Variants in INPP4A observed in about 807,000 individuals in gnomAD.
INPP4A encodes the protein inositol polyphosphate-4-phosphatase type I A.
Under a neutral mutation model 119.8 loss-of-function variants are expected in INPP4A, and 33 were observed. That is an observed-to-expected ratio of 0.28 (90% confidence interval 0.21 to 0.37). The LOEUF is 0.37. Ranked by LOEUF, INPP4A falls within the 10% of genes least tolerant of loss-of-function variation. INPP4A has a pLI of 1.00. For synonymous variants in INPP4A, 496 were observed against 500.7 expected (o/e 0.99, Z 0.12); for missense variants, 956 against 1,289.9 (o/e 0.74, Z 3.97).
rs147848848 is a variant in INPP4A, at chr2:98,499,072, A to G, written c.-165-19892A>G. 8.5e-5 allele frequency among the ~76,000 whole-genome samples: 13 copies of G among 152,370 alleles called. No homozygotes were observed. The East Asian group carries it at 2.5e-3, about 29-fold the overall frequency. ...TTCTGCCCCACTGAGGAACTAGGAA[A>G]GCAGTCCCACTCAAAATTATAAAAG... is the stretch of plus-strand genomic sequence containing the variant. On this transcript the variant is annotated intron_variant, in intron 1 of 24. Coordinates refer to ENST00000409851, the MANE Select transcript of INPP4A (RefSeq NM_001134225.2).
At position 98,537,940 on chromosome 2, in the gene INPP4A, C is replaced by G; in HGVS notation, c.545C>G (p.Pro182Arg). 6.2e-7 allele frequency: 1 copy of G among 1,612,664 alleles called. No homozygotes were observed. Among genetic ancestry groups the G allele is most frequent in the South Asian group, 1.1e-5 (1 of 90,600 alleles). Residue 182 changes from proline (P) to arginine (R), a missense_variant, in exon 8 of 25, where the codon CCT becomes CGT. Physicochemically the swap from Pro to Arg is moderately radical, Grantham distance 103. This residue lies in a region of INPP4A where 652 missense variants were observed against 797.9 expected (regional missense o/e 0.82). Coordinates refer to ENST00000409851, the MANE Select transcript of INPP4A (RefSeq NM_001134225.2). ...GAGGAGAAGTCAGACCAACGGCCCC[C>G]TGTGACCCGGTCTGTGGACACTGTC... ...QMEEKSDQRP[P>R]VTRSVDTVNG...
At chr2:98,524,270 C>A (rs1687786459) in intron 4 of INPP4A, among the ~76,000 whole-genome samples, 1 of 152,072 alleles carries the variant, frequency 6.6e-6, no homozygotes, top group Admixed American at 6.6e-5. Context: ...AGTGTTTATT[C>A]AGCTGGGATT....
chr2:98,569,014 C>T lies in INPP4A; in HGVS notation c.2518+346C>T, dbSNP rs905961603. 2.9e-5 allele frequency: 6 copies of T among 206,934 alleles called. No homozygotes were observed. The highest frequency in any genetic ancestry group is 4.6e-5 in the African/African-American group (2 of 43,456). The allele number at this position is 206,934 out of a possible 1,614,324, so 12.8% of individuals were successfully genotyped here. On this transcript the variant is annotated intron_variant, in intron 22 of 24. Transcript: ENST00000409851. The surrounding 1 kb of genome is among the most constrained non-coding windows in gnomAD (Gnocchi z 5.1). ...CAGGACCCACCCTCGGCCAGGTGAG[C>T]GGCCCACTCACTTCCCTTTGTGGTG...
chr2:98,560,684 A>C (rs1199157429), intron 17 of INPP4A, among the ~76,000 whole-genome samples: 1 of 152,222 alleles, frequency 6.6e-6, no homozygotes, highest in Non-Finnish European at 1.5e-5. Context: ...CCCATGCCTC[A>C]GCTGACCTCC....
At chr2:98,567,438 A>G (rs1696662178) in intron 21 of INPP4A, among the ~76,000 whole-genome samples, 1 of 152,126 alleles carries the variant, frequency 6.6e-6, no homozygotes, top group Non-Finnish European at 1.5e-5. Flanking sequence ...CAAAGCCCCA[A>G]AGGTGTGAGC....
rs1687091026 is a variant in INPP4A at position 98,521,060 on chromosome 2, G to C, written c.151+329G>C. 1.7e-5 allele frequency: 4 copies of C among 242,344 alleles called. No individual in the cohort carries two copies. In the South Asian group the frequency reaches 3.5e-4, roughly 21 times the overall value. The allele number at this position is 242,344 out of a possible 1,614,324, so 15.0% of individuals were successfully genotyped here. A position where few individuals can be genotyped will look rare whatever the true frequency, so the allele number is the denominator to read the frequency against. On this transcript the variant is annotated intron_variant, in intron 4 of 24. Coordinates refer to ENST00000409851, the MANE Select transcript of INPP4A (RefSeq NM_001134225.2). ...CCTCCCCACCCCCACCCCAATGGGG[G>C]AAAGGGAAGGAGGGGTTGGGGAAAC... is the stretch of plus-strand genomic sequence containing the variant.
At position 98,480,685 on chromosome 2, in the gene INPP4A, G is replaced by A. The variant is rs915195428; in HGVS notation, c.-166+35600G>A. 2.0e-5 allele frequency among the ~76,000 whole-genome samples: 3 copies of A among 152,184 alleles called. No individual in the cohort carries two copies. In the South Asian group the frequency reaches 6.2e-4, roughly 31 times the overall value. On this transcript the variant is annotated intron_variant, in intron 1 of 24. Coordinates refer to ENST00000409851, the MANE Select transcript of INPP4A (RefSeq NM_001134225.2). ...GTGGCCAGCTAGCTCCCGTGCATTT[G>A]CACACATGGTCCCTCACTCCTGGCC...
intron 1 of INPP4A, among the ~76,000 whole-genome samples, chr2:98,467,450 C>T (rs555062376): frequency 6.6e-6 from 1 of 152,286 alleles, no homozygotes; most frequent in East Asian, 1.9e-4. Context: ...AACGCTTTCT[C>T]CTTTCCCCTA....
chr2:98,493,177 A>G (rs771366179), intron 1 of INPP4A, among the ~76,000 whole-genome samples: 28 of 152,176 alleles, frequency 1.8e-4, no homozygotes, highest in Middle Eastern at 6.8e-3. Context: ...CTTTGCCCCT[A>G]TGCTGGGTTC....
Position 98,555,723 on chromosome 2 carries a change from A to T in INPP4A, c.1737A>T (p.Arg579Ser). The T allele has an allele frequency of 6.2e-7, 1 of 1,609,724 alleles. No individual in the cohort carries two copies. The highest frequency in any genetic ancestry group is 1.3e-5 in the African/African-American group (1 of 74,956). The change falls in exon 16 of 25, where the codon AGA becomes AGT. Residue 579 changes from arginine (R) to serine (S), a missense_variant. Arg to Ser is a moderately radical substitution (Grantham distance 110). Transcript: ENST00000409851. ...GNPDSHAYWI[R>S]PEDPFCDVPS... ...CGGACAGCCACGCCTACTGGATCAG[A>T]CCAGAAGACCCCTTCTGTGATGTCC...
At chr2:98,556,797 C>CT (rs1216398172) in intron 16 of INPP4A, among the ~76,000 whole-genome samples, 1 of 152,210 alleles carries the variant, frequency 6.6e-6, no homozygotes, top group Admixed American at 6.5e-5. Flanking sequence ...TTTACTCTGC[C>CT]TGCAGTCTGT....
At chr2:98,488,503 G>T (rs113668825) in intron 1 of INPP4A, among the ~76,000 whole-genome samples, 8 of 152,150 alleles carry the variant, frequency 5.3e-5, no homozygotes, top group Non-Finnish European at 1.2e-4. Context: ...TTCTGTACCC[G>T]AAATTGTCTC....
chr2:98,487,384 T>C (rs1387883524), intron 1 of INPP4A, among the ~76,000 whole-genome samples: 1 of 152,178 alleles, frequency 6.6e-6, no homozygotes, highest in Admixed American at 6.5e-5. Context: ...ACAGAATCAA[T>C]TTTTATTTTA....
rs1693930875 is a variant in INPP4A at position 98,445,091 on chromosome 2, T to TGGGCC, written c.-166+16_-166+20dup. The TGGGCC allele has an allele frequency of 6.8e-6, 1 of 147,210 alleles. No homozygotes were observed. The highest frequency in any genetic ancestry group is 1.5e-5 in the Non-Finnish European group (1 of 66,136). The allele number at this position is 147,210 out of a possible 1,614,324, so 9.1% of individuals were successfully genotyped here. A position where few individuals can be genotyped will look rare whatever the true frequency, so the allele number is the denominator to read the frequency against. ...CGGGGGCCGGGGAGCGCCAGGTAGG[T>TGGGCC]GGGCCGGGCCGGGCAGGAGGCGACG... is the stretch of plus-strand genomic sequence containing the variant. On this transcript the variant is annotated splice_region_variant and intron_variant, in intron 1 of 24. Transcript: ENST00000409851.
At chr2:98,523,016 TC>T (rs1687506647) in intron 4 of INPP4A, among the ~76,000 whole-genome samples, 1 of 152,170 alleles carries the variant, frequency 6.6e-6, no homozygotes, top group Non-Finnish European at 1.5e-5. Context: ...GAGGATGTGT[TC>T]TCATCCTAAA....
chr2:98,474,800 A>T (rs1161827330), intron 1 of INPP4A, among the ~76,000 whole-genome samples: 1 of 152,154 alleles, frequency 6.6e-6, no homozygotes, highest in African/African-American at 2.4e-5. Flanking sequence ...AACATCTTCA[A>T]ATAAGTTTTC....
intron 1 of INPP4A, among the ~76,000 whole-genome samples, chr2:98,504,582 T>G (rs1683697060): frequency 6.6e-6 from 1 of 152,246 alleles, no homozygotes; most frequent in Non-Finnish European, 1.5e-5. Context: ...CCTGGCTTAC[T>G]GCCTGGTTTC....
chr2:98,501,928 G>A (rs1205509295), intron 1 of INPP4A, among the ~76,000 whole-genome samples: 1 of 152,224 alleles, frequency 6.6e-6, no homozygotes, highest in Non-Finnish European at 1.5e-5. Flanking sequence ...GCGTTCAGCA[G>A]CATTAGTGTT....
chr2:98,476,311 A>G (rs1466447663), intron 1 of INPP4A, among the ~76,000 whole-genome samples: 3 of 152,250 alleles, frequency 2.0e-5, no homozygotes, highest in Non-Finnish European at 4.4e-5. Flanking sequence ...AGGGTTGTAT[A>G]TTAAAGTAAT....
Sources: allele counts gnomAD v4.1 joint callset (sites outside exome capture counted in the v4.1 genomes callset), GRCh38; gene constraint gnomAD v4.1.1; regional missense constraint gnomAD v4.1.1; non-coding constraint Gnocchi (gnomAD v3.1); transcripts MANE v1.5; gene names NCBI Gene and HGNC (gene_info 2026-07-23, HGNC 2026-07-21).